ASAH1: variants seen among roughly 807,000 people sequenced by gnomAD.
ASAH1 encodes the protein N-acylsphingosine amidohydrolase 1.
In ASAH1, 70 loss-of-function variants were observed where a neutral mutation model predicts 59.5. The observed-to-expected ratio is 1.18, with a 90% confidence interval of 0.97 to 1.43. ASAH1 has a LOEUF of 1.43. Ranked by LOEUF, ASAH1 falls within the 40% of genes most tolerant of loss-of-function variation. The pLI is 0.00. For synonymous variants in ASAH1, 213 were observed against 166.5 expected, an observed-to-expected ratio of 1.28 and a Z score of -2.15; for missense variants, 660 against 482.5, an observed-to-expected ratio of 1.37 and a Z score of -3.45.
At chr8:18,083,421 G>A (rs1800744568) in intron 1 of ASAH1, 1 of 156,542 alleles carries the variant, frequency 6.4e-6, no homozygotes, top group Non-Finnish European at 1.4e-5. Context: ...CTTGCTCGTG[G>A]GAAAGAGCCA....
chr8:18,061,144 C>T, intron 10 of ASAH1: 1 of 391,376 alleles, frequency 2.6e-6, no homozygotes, highest in South Asian at 3.0e-5. Context: ...TTCATAGGTG[C>T]CTTTCATAAT....
intron 3 of ASAH1, among the ~76,000 whole-genome samples, chr8:18,070,690 G>C (rs560391620): frequency 1.1e-4 from 17 of 152,170 alleles, no homozygotes; most frequent in African/African-American, 3.9e-4. Flanking sequence ...AAGAAACAAA[G>C]GTAAAGTTTA....
In ASAH1 at chr8:18,084,010, T is replaced by A; in HGVS notation, c.49A>T (p.Ser17Cys). The change falls in exon 1 of 14, where the codon AGC (serine) becomes TGC (cysteine). Residue 17 changes from serine to cysteine, a missense_variant. Ser to Cys is a moderately radical substitution (Grantham distance 112, BLOSUM62 -1). Coordinates refer to ENST00000637790, the MANE Select transcript of ASAH1 (RefSeq NM_177924.5). ...VALVLLAAAV[S>C]CAVAQHAPPW... ...GGCGCGTGCTGCGCGACGGCACAGC[T>A]GACGGCGGCAGCCAGGAGGACTAAG... 6.3e-7 allele frequency: 1 copy of A among 1,598,304 alleles called. No individual in the cohort carries two copies. The highest frequency in any genetic ancestry group is 8.5e-7 in the Non-Finnish European group (1 of 1,179,544).
At chr8:18,057,668 A>G (rs767075836) in intron 13 of ASAH1, 45 bp from the exon 14 acceptor site, 71 of 1,363,572 alleles carry the variant, frequency 5.2e-5, no homozygotes, top group Non-Finnish European at 6.8e-5. Context: ...TTCAATTCAG[A>G]GATGTTCTGA....
At chr8:18,068,910 G>A (rs1190480007) in intron 4 of ASAH1, among the ~76,000 whole-genome samples, 2 of 152,142 alleles carry the variant, frequency 1.3e-5, no homozygotes, top group Admixed American at 6.6e-5. Context: ...AGGTTGAGGC[G>A]GGAAGATCGC....
In ASAH1 at chr8:18,057,433, C is replaced by T. The variant is rs893749644; in HGVS notation, c.*101G>A. On this transcript the variant is annotated 3_prime_UTR_variant, in exon 14 of 14. Transcript: ENST00000637790. ...CTATTGACTCAAAGAGAACCTGCCGCGAGTCTTAGTCTTTGGAAGGTCAGA... is the reference window on the plus strand; with the variant it reads ...CTATTGACTCAAAGAGAACCTGCCGTGAGTCTTAGTCTTTGGAAGGTCAGA... 1.1e-5 allele frequency: 10 copies of T among 870,618 alleles called. No homozygotes were observed. Among genetic ancestry groups the T allele is most frequent in the Admixed American group, 2.0e-5 (1 of 51,062 alleles). 53.9% of individuals were successfully genotyped at this position (870,618 alleles called of 1,614,324 possible). A position where few individuals can be genotyped will look rare whatever the true frequency, so the allele number is the denominator to read the frequency against.
intron 1 of ASAH1, chr8:18,083,478 C>G (rs1438380381): frequency 6.3e-6 from 1 of 158,974 alleles, no homozygotes; most frequent in Admixed American, 6.2e-5. Context: ...CACAGGGGGC[C>G]CTTTGGGGCC....
chr8:18,083,889 T>C (rs919262297), intron 1 of ASAH1, 92 bp downstream of exon 1: 2 of 1,535,728 alleles, frequency 1.3e-6, no homozygotes, highest in African/African-American at 1.4e-5. Flanking sequence ...GCACGAGGTG[T>C]TCCTTGTACC....
At chr8:18,084,772 T>C (rs17851439), upstream of ASAH1, 7 of 1,613,656 alleles carry the variant, frequency 4.3e-6, 1 homozygote, top group South Asian at 6.6e-5. Flanking sequence ...ACCCGCGAGC[T>C]TTCTCTCCCA....
chr8:18,071,291 A>G lies in ASAH1; in HGVS notation c.216+9T>C. ...TAAAGAAATAAAAGATTTAAGCATC[A>G]TAGCATACCACTGGTGCCTTGTCAA... is the stretch of plus-strand genomic sequence containing the variant. On this transcript the variant is annotated intron_variant, in intron 3 of 13. Coordinates refer to ENST00000637790, the MANE Select transcript of ASAH1 (RefSeq NM_177924.5). The G allele has an allele frequency of 6.7e-7, 1 of 1,503,076 alleles. No individual in the cohort carries two copies. Among genetic ancestry groups the G allele is most frequent in the East Asian group, 2.3e-5 (1 of 44,004 alleles). The allele number at this position is 1,503,076 out of a possible 1,614,324, so 93.1% of individuals were successfully genotyped here.
Position 18,063,453 on chromosome 8 carries a change from G to A in ASAH1, c.458-223C>T, listed in dbSNP as rs543004058. 166 of 477,580 alleles carry A rather than the reference G, an allele frequency of 3.5e-4. 4 individuals carry two copies. The East Asian group carries it at 5.4e-3, about 15-fold the overall frequency. The allele number at this position is 477,580 out of a possible 1,614,324, so 29.6% of individuals were successfully genotyped here. Reference sequence around the variant, plus strand: ...CACGTAGTTGGGATTACAGACATGTGCGACCGCACCTGGCTACTTTTTTTT... The same window carrying A: ...CACGTAGTTGGGATTACAGACATGTACGACCGCACCTGGCTACTTTTTTTT... On this transcript the variant is annotated intron_variant, in intron 6 of 13. Coordinates refer to ENST00000637790, the MANE Select transcript of ASAH1 (RefSeq NM_177924.5).
intron 1 of ASAH1, among the ~76,000 whole-genome samples, chr8:18,077,277 C>G (rs992112418): frequency 6.6e-6 from 1 of 152,190 alleles, no homozygotes; most frequent in Non-Finnish European, 1.5e-5. Flanking sequence ...AAAAGGAATA[C>G]TATAATAAAT....
At chr8:18,058,664 T>C (rs942862715) in intron 13 of ASAH1, 171 bp downstream of exon 13, 2 of 633,064 alleles carry the variant, frequency 3.2e-6, no homozygotes, top group East Asian at 5.5e-5. Context: ...AATTTCTTTC[T>C]TGTATTCCAA....
chr8:18,070,002 A>G, intron 3 of ASAH1, 124 bp from the exon 4 acceptor site: 1 of 632,222 alleles, frequency 1.6e-6, no homozygotes. Context: ...ATTTTTTAAA[A>G]CAGCATCTCG....
chr8:18,072,756 G>A (rs1800226581), intron 2 of ASAH1, among the ~76,000 whole-genome samples: 1 of 151,936 alleles, frequency 6.6e-6, no homozygotes, highest in Non-Finnish European at 1.5e-5. Context: ...CCATATTATG[G>A]GCAGGTATTA....
In ASAH1 at chr8:18,064,477, A is replaced by G; in HGVS notation, c.437T>C (p.Ile146Thr). 2 of 1,579,920 alleles carry G rather than the reference A, an allele frequency of 1.3e-6. No homozygotes were observed. The highest frequency in any genetic ancestry group is 2.2e-5 in the East Asian group (1 of 44,486). The change falls in exon 6 of 14, where the codon ATA becomes ACA. Residue 146 changes from isoleucine (I) to threonine (T), a missense_variant. Ile to Thr is a moderately conservative substitution (Grantham distance 89). Coordinates refer to ENST00000637790, the MANE Select transcript of ASAH1 (RefSeq NM_177924.5). The part of the protein sequence containing the change: ...FYELFTICTS[I>T]VAEDKKGHLI... The stretch of plus-strand genomic sequence containing the variant: ...ATTACCTTTTTTGTCTTCTGCTACT[A>G]TTGAAGTACAAATGGTAAATAATTC...
chr8:18,067,132 A>ACCTGTGCTGTATATCTAAGACATACAGCT, intron 5 of ASAH1, 88 bp downstream of exon 5: 4 of 568,670 alleles, frequency 7.0e-6, no homozygotes, highest in Non-Finnish European at 7.2e-6. Context: ...GACATACAGC[A>ACCTGTGCTGTATATCTAAGACATACAGCT]CCTGTGCTGT....
intron 2 of ASAH1, among the ~76,000 whole-genome samples, chr8:18,074,368 C>T (rs1304433133): frequency 1.3e-5 from 2 of 151,764 alleles, no homozygotes; most frequent in African/African-American, 4.8e-5. Context: ...CCTCTTTCTA[C>T]ATAAAGGCGA....
chr8:18,082,059 T>C (rs1438029339), intron 1 of ASAH1, among the ~76,000 whole-genome samples: 3 of 152,208 alleles, frequency 2.0e-5, no homozygotes, highest in East Asian at 1.9e-4. Flanking sequence ...TTGAAGTCCA[T>C]ACAATCAGAG....
Sources: allele counts gnomAD v4.1 joint callset (sites outside exome capture counted in the v4.1 genomes callset), GRCh38; gene constraint gnomAD v4.1.1; transcripts MANE v1.5; gene names NCBI Gene and HGNC (gene_info 2026-07-23, HGNC 2026-07-21).